PARP15: variants seen among roughly 807,000 people sequenced by gnomAD.
PARP15 encodes poly(ADP-ribose) polymerase family member 15, also known as protein mono-ADP-ribosyltransferase PARP15.
Under a neutral mutation model 62.1 loss-of-function variants are expected in PARP15, and 50 were observed. The observed-to-expected ratio is 0.81, with a 90% confidence interval of 0.64 to 1.02. PARP15 has a LOEUF of 1.02. Ranked by LOEUF, PARP15 falls within the 50% of genes least tolerant of loss-of-function variation. The probability of loss-of-function intolerance (pLI) is 0.00; values close to 1 mark genes in which losing one functional copy is unlikely to be tolerated. For synonymous variants in PARP15, 309 were observed against 293.1 expected, an observed-to-expected ratio of 1.05 and a Z score of -0.55; for missense variants, 820 against 826.5, an observed-to-expected ratio of 0.99 and a Z score of 0.10.
intron 1 of PARP15, among the ~76,000 whole-genome samples, chr3:122,581,917 A>C (rs1213193194): frequency 6.6e-6 from 1 of 152,184 alleles, no homozygotes; most frequent in Non-Finnish European, 1.5e-5. Flanking sequence ...ATATGTTTTG[A>C]AATCAGGAAG....
intron 5 of PARP15, 53 bp from the exon 6 acceptor site, chr3:122,616,962 G>A: frequency 6.3e-7 from 1 of 1,589,708 alleles, no homozygotes; most frequent in Non-Finnish European, 8.6e-7. Context: ...GATGAGTGCT[G>A]TTCCTCCAGA....
rs749168239 is a variant in PARP15, at chr3:122,617,086, G to A, written c.922G>A (p.Val308Ile). ...EMKIGAITFQ[V>I]ATGDIATEQV... is the part of the protein sequence containing the mutation. ...GAAAATCGGTGCAATTACTTTTCAGGTTGCTACTGGAGATATAGCCACTGA... is the reference window on the plus strand; with the variant it reads ...GAAAATCGGTGCAATTACTTTTCAGATTGCTACTGGAGATATAGCCACTGA... Residue 308 changes from valine to isoleucine, a missense_variant, in exon 6 of 12, where the codon GTT becomes ATT. Physicochemically the swap from Val to Ile is conservative, Grantham distance 29. This residue lies in a region of PARP15 where 731 missense variants were observed against 727.7 expected (regional missense o/e 1.00). Coordinates refer to ENST00000464300, the MANE Select transcript of PARP15 (RefSeq NM_001113523.3). 6.2e-7 allele frequency: 1 copy of A among 1,613,994 alleles called. No individual in the cohort carries two copies. The highest frequency in any genetic ancestry group is 2.2e-5 in the East Asian group (1 of 44,882).
rs745981836 is a variant in PARP15, at chr3:122,635,112, A to T, written c.1665A>T (p.Arg555Ser). ...DIKNDHKNNE[R>S]LLFHGTDADS... ...AGAATGACCATAAGAATAATGAGAGACTCCTCTTCCATGGGACAGATGCAG... is the reference window on the plus strand; with the variant it reads ...AGAATGACCATAAGAATAATGAGAGTCTCCTCTTCCATGGGACAGATGCAG... The change falls in exon 11 of 12, where the codon AGA (arginine) becomes AGT (serine). Residue 555 changes from arginine to serine, a missense_variant. Physicochemically the swap from Arg to Ser is moderately radical, Grantham distance 110 (BLOSUM62 -1). Around this residue, in one of 3 missense-constraint regions of PARP15, gnomAD observed 731 missense variants for 727.7 expected, o/e 1.00. Coordinates refer to ENST00000464300, the MANE Select transcript of PARP15 (RefSeq NM_001113523.3). The T allele has an allele frequency of 3.7e-6, 6 of 1,613,840 alleles. No homozygotes were observed. Among genetic ancestry groups the T allele is most frequent in the Non-Finnish European group, 5.1e-6 (6 of 1,179,912 alleles).
At chr3:122,605,039 A>T (rs1935065654) in intron 1 of PARP15, among the ~76,000 whole-genome samples, 1 of 151,642 alleles carries the variant, frequency 6.6e-6, no homozygotes, top group African/African-American at 2.4e-5. Flanking sequence ...CCATCTCAGA[A>T]AAAAAGAAAG....
chr3:122,610,838 G>A (rs1429197029), intron 3 of PARP15, 108 bp downstream of exon 3: 6 of 907,288 alleles, frequency 6.6e-6, no homozygotes, highest in Admixed American at 6.5e-5. Context: ...ACAGAGGACA[G>A]TTGGGTTGTT....
chr3:122,602,754 C>G (rs1934894984), intron 1 of PARP15, among the ~76,000 whole-genome samples: 1 of 152,124 alleles, frequency 6.6e-6, no homozygotes, highest in Non-Finnish European at 1.5e-5. Context: ...GAAAGAATTA[C>G]TTTTTCAATA....
rs1307768506 is a variant in PARP15, at chr3:122,638,052, T to C, written c.*1952T>C. On this transcript the variant is annotated 3_prime_UTR_variant, in exon 12 of 12. Transcript: ENST00000464300. ...CCTGTGAGTGAGAACATGTGGTGTT[T>C]GGTTTTTTGTCCTTGCGATAGTTTG... 3 of 152,182 alleles carry C rather than the reference T, an allele frequency of 2.0e-5. No homozygotes were observed. The highest frequency in any genetic ancestry group is 4.8e-5 in the African/African-American group (2 of 41,440). 9.4% of individuals were successfully genotyped at this position (152,182 alleles called of 1,614,324 possible).
chr3:122,598,401 A>T (rs889847099), intron 1 of PARP15, among the ~76,000 whole-genome samples: 1 of 152,178 alleles, frequency 6.6e-6, no homozygotes, highest in Non-Finnish European at 1.5e-5. Flanking sequence ...TTGGGGCTGC[A>T]GTCATCGTAG....
intron 1 of PARP15, among the ~76,000 whole-genome samples, chr3:122,581,352 T>G (rs1279772985): frequency 6.6e-6 from 1 of 152,214 alleles, no homozygotes; most frequent in Non-Finnish European, 1.5e-5. Context: ...TCCAATTTCT[T>G]CACATCCTTG....
chr3:122,590,925 T>C (rs1488212878), intron 1 of PARP15, among the ~76,000 whole-genome samples: 1 of 152,234 alleles, frequency 6.6e-6, no homozygotes, highest in Admixed American at 6.5e-5. Flanking sequence ...TGTAGCTCTA[T>C]TAATTTAAAT....
chr3:122,635,848 T>C lies in PARP15; in HGVS notation c.1785T>C (p.Asp595=). 1 of 1,614,060 alleles carries C rather than the reference T, an allele frequency of 6.2e-7. No homozygotes were observed. The highest frequency in any genetic ancestry group is 2.2e-5 in the East Asian group (1 of 44,882). Residue 595 remains aspartate, a synonymous_variant, in exon 12 of 12, where the codon GAT becomes GAC. Coordinates refer to ENST00000464300, the MANE Select transcript of PARP15 (RefSeq NM_001113523.3). ...SYGKGTYFAV[D]ASYSAKDTYS... is the part of the protein sequence containing the mutation. The stretch of plus-strand genomic sequence containing the variant: ...GAAAAGGAACCTATTTTGCTGTGGA[T>C]GCCAGTTATTCTGCCAAGGACACCT...
rs762414715 is a variant in PARP15 at position 122,621,603 on chromosome 3, T to C, written c.1223T>C (p.Ile408Thr). 4 of 1,590,176 alleles carry C rather than the reference T, an allele frequency of 2.5e-6. No individual in the cohort carries two copies. The highest frequency in any genetic ancestry group is 2.3e-5 in the South Asian group (2 of 86,080). Residue 408 changes from isoleucine (I) to threonine (T), a missense_variant, in exon 8 of 12, where the codon ATT (isoleucine) becomes ACT (threonine). By Grantham distance (89) the Ile-to-Thr change is moderately conservative. Coordinates refer to ENST00000464300, the MANE Select transcript of PARP15 (RefSeq NM_001113523.3). ...TACACATCGGTTTCCCTTCCAGCCA[T>C]TGGAACAGGTTTGCAGCTTATCATT... The part of the protein sequence containing the change: ...RKYTSVSLPA[I>T]GTGNAGKNPI...
At chr3:122,632,664 TC>T (rs1937125768) in intron 10 of PARP15, among the ~76,000 whole-genome samples, 1 of 152,240 alleles carries the variant, frequency 6.6e-6, no homozygotes, top group South Asian at 2.1e-4. Context: ...TTAGGGGGTC[TC>T]TGTTTTCTCA....
intron 1 of PARP15, among the ~76,000 whole-genome samples, chr3:122,586,593 T>G (rs1933449756): frequency 6.6e-6 from 1 of 152,244 alleles, no homozygotes; most frequent in Non-Finnish European, 1.5e-5. Flanking sequence ...AACTTAGAAC[T>G]ATTTAGTTTT....
intron 8 of PARP15, among the ~76,000 whole-genome samples, chr3:122,622,107 T>G (rs1936393140): frequency 6.6e-6 from 1 of 152,252 alleles, no homozygotes; most frequent in African/African-American, 2.4e-5. Flanking sequence ...CCCTTTCTTC[T>G]TTATTTTATG....
At chr3:122,578,640 C>T (rs997739175) in intron 1 of PARP15, among the ~76,000 whole-genome samples, 2 of 151,874 alleles carry the variant, frequency 1.3e-5, no homozygotes, top group African/African-American at 2.4e-5. Flanking sequence ...AATGTCAGGG[C>T]TAGTCTTCCT....
chr3:122,578,027 T>G (rs993516344), intron 1 of PARP15, among the ~76,000 whole-genome samples, 174 bp downstream of exon 1: 5 of 149,186 alleles, frequency 3.4e-5, no homozygotes, highest in Non-Finnish European at 4.4e-5. Context: ...GCGTGCTGCT[T>G]CTTTTTCCTT....
intron 2 of PARP15, among the ~76,000 whole-genome samples, chr3:122,606,660 C>G (rs1460747656): frequency 6.6e-6 from 1 of 152,166 alleles, no homozygotes; most frequent in Non-Finnish European, 1.5e-5. Context: ...TCCGGGGGAC[C>G]TTTTAAAAAT....
At chr3:122,612,982 C>G (rs1935683111) in intron 3 of PARP15, 59 bp from the exon 4 acceptor site, 1 of 1,429,878 alleles carries the variant, frequency 7.0e-7, no homozygotes, top group Non-Finnish European at 9.6e-7. Context: ...GACCACAACT[C>G]TTTCTGTTTT....
Sources: gnomAD v4.1 joint callset for allele counts (sites outside exome capture counted in the v4.1 genomes callset) on GRCh38, gnomAD v4.1.1 for gene constraint, gnomAD v4.1.1 regional missense constraint, MANE v1.5 for transcripts, NCBI Gene and HGNC (gene_info 2026-07-23, HGNC 2026-07-21) for gene names.